Variants in SPTAN1 observed in about 807,000 individuals in gnomAD.
The protein encoded by SPTAN1 is spectrin alpha, non-erythrocytic 1.
A neutral mutation model predicts 331.3 loss-of-function variants in SPTAN1; 61 were observed. The observed-to-expected ratio is 0.18, with a 90% CI of 0.15 to 0.23. The LOEUF (loss-of-function observed/expected upper bound fraction) is 0.23, where lower values mean the gene tolerates loss of function less well. Ranked by LOEUF, SPTAN1 falls within the 10% of genes least tolerant of loss-of-function variation. The pLI is 1.00. For missense variants in SPTAN1, 2,043 were observed against 3,147.9 expected, an observed-to-expected ratio of 0.65 and a Z score of 8.40; for synonymous variants, 1,153 against 1,173.9, an observed-to-expected ratio of 0.98 and a Z score of 0.36.
chr9:128,603,227 G>A (rs1258588169), intron 27 of SPTAN1, among the ~76,000 whole-genome samples: 2 of 151,820 alleles, frequency 1.3e-5, no homozygotes, highest in Non-Finnish European at 2.9e-5. Flanking sequence ...GTATAGACAA[G>A]AAAATGACAC....
chr9:128,593,154 G>A, intron 23 of SPTAN1, 112 bp downstream of exon 23: 2 of 1,207,192 alleles, frequency 1.7e-6, no homozygotes, highest in Non-Finnish European at 2.4e-6. Context: ...GAGGTGGTGG[G>A]AGGAACTGCC....
chr9:128,580,873 G>A (rs1303446866), intron 10 of SPTAN1, 49 bp from the exon 11 acceptor site: 1 of 1,611,060 alleles, frequency 6.2e-7, no homozygotes, highest in Non-Finnish European at 8.5e-7. Context: ...TGCCTCGGAG[G>A]CATTGGGGCT....
chr9:128,632,592 C>G lies in SPTAN1; in HGVS notation c.7034C>G (p.Ser2345Cys), dbSNP rs780897019. The G allele has an allele frequency of 3.7e-6, 6 of 1,614,112 alleles. No individual in the cohort carries two copies. Among genetic ancestry groups the G allele is most frequent in the Non-Finnish European group, 5.1e-6 (6 of 1,180,048 alleles). Residue 2345 changes from serine to cysteine, a missense_variant, in exon 55 of 57, where the codon TCT (serine) becomes TGT (cysteine). Physicochemically the swap from Ser to Cys is moderately radical, Grantham distance 112. This residue lies in a region of SPTAN1 where 58 missense variants were observed against 74.0 expected (regional missense o/e 0.78). Coordinates refer to ENST00000372739, the MANE Select transcript of SPTAN1 (RefSeq NM_001130438.3). ...MMFKHFDKDK[S>C]GRLNHQEFKS... ...TGCAGACACTTTGACAAGGACAAGT[C>G]TGGCAGGCTGAACCATCAGGAGTTC...
At chr9:128,582,640 G>C in intron 13 of SPTAN1, 54 bp from the exon 14 acceptor site, 1 of 1,611,072 alleles carries the variant, frequency 6.2e-7, no homozygotes, top group Non-Finnish European at 8.5e-7. Flanking sequence ...TCTTCAACTG[G>C]ATATCCCTTT....
At chr9:128,621,352 C>G in intron 45 of SPTAN1, 96 bp downstream of exon 45, 1 of 1,069,486 alleles carries the variant, frequency 9.4e-7, no homozygotes, top group Non-Finnish European at 1.4e-6. Flanking sequence ...CTGGGATGTT[C>G]ACCAAACCAA....
chr9:128,567,047 A>G, intron 2 of SPTAN1, 70 bp downstream of exon 2: 1 of 1,604,480 alleles, frequency 6.2e-7, no homozygotes, highest in South Asian at 1.1e-5. Context: ...AAATCAGACG[A>G]GGAAAGTTAC....
At chr9:128,604,995 T>TACTTGGCATTTC (rs1487266018) in intron 29 of SPTAN1, 39 bp from the exon 30 acceptor site, 5 of 1,613,148 alleles carry the variant, frequency 3.1e-6, no homozygotes, top group Middle Eastern at 3.3e-4. Flanking sequence ...AAGGCAGTTG[T>TACTTGGCATTTC]ACTTGGCATT....
chr9:128,574,941 G>T, intron 4 of SPTAN1, 126 bp downstream of exon 4: 15 of 1,381,086 alleles, frequency 1.1e-5, no homozygotes, highest in Non-Finnish European at 1.5e-5. Context: ...GGTGGAAGTG[G>T]GGTTGCTGTC....
rs570170415 is a variant in SPTAN1 at position 128,617,263 on chromosome 9, T to G, written c.5358-377T>G. 2.3e-3 allele frequency among the ~76,000 whole-genome samples: 355 copies of G among 151,948 alleles called. 2 individuals are homozygous for G. The highest frequency in any genetic ancestry group is 0.014 in the South Asian group (69 of 4,822). On this transcript the variant is annotated intron_variant, in intron 41 of 56. Coordinates refer to ENST00000372739, the MANE Select transcript of SPTAN1 (RefSeq NM_001130438.3). ...CAAAAAAAAAAAAAGTGTGTATATATGTATATATATAAATATCTTTGTATA... is the reference window on the plus strand; with the variant it reads ...CAAAAAAAAAAAAAGTGTGTATATAGGTATATATATAAATATCTTTGTATA...
At position 128,613,054 on chromosome 9, in the gene SPTAN1, G is replaced by C. The variant is rs79140166; in HGVS notation, c.5044-327G>C. Among the ~76,000 whole-genome samples the C allele has an allele frequency of 2.8e-3, 428 of 152,198 alleles. 10 individuals are homozygous for C. The East Asian group carries it at 0.041, about 14-fold the overall frequency. On this transcript the variant is annotated intron_variant, in intron 39 of 56. Transcript: ENST00000372739. ...TTTGGTGTATATATTTTGCTGTAGT[G>C]AATATCTTTGAATATTAATCTTTGT...
intron 40 of SPTAN1, among the ~76,000 whole-genome samples, chr9:128,614,903 ACAT>A (rs1856974869): frequency 6.6e-6 from 1 of 152,174 alleles, no homozygotes. Context: ...TGATTTTGCA[ACAT>A]CATGCATGGC....
At chr9:128,614,742 G>A (rs1228056711) in intron 40 of SPTAN1, among the ~76,000 whole-genome samples, 1 of 152,134 alleles carries the variant, frequency 6.6e-6, no homozygotes, top group East Asian at 1.9e-4. Context: ...TCACACCACC[G>A]CACTCTTGGA....
rs1440551738 is a variant in SPTAN1, at chr9:128,594,250, C to T, written c.3291C>T (p.Phe1097=). The T allele has an allele frequency of 1.2e-6, 2 of 1,613,864 alleles. No individual in the cohort carries two copies. Among genetic ancestry groups the T allele is most frequent in the East Asian group, 2.2e-5 (1 of 44,890 alleles). ...AGAGTTGCAAGAAGTTTATGTTGTT[C>T]CGTGAAGCGAATGAACTACAGCAAT... ...LEKSCKKFML[F]REANELQQWI... is the part of the protein sequence containing the mutation. Residue 1097 remains phenylalanine (F), a synonymous_variant, in exon 24 of 57, where the codon TTC becomes TTT. Transcript: ENST00000372739.
chr9:128,607,342 T>C (rs977889257), intron 31 of SPTAN1, among the ~76,000 whole-genome samples: 2 of 152,144 alleles, frequency 1.3e-5, no homozygotes, highest in African/African-American at 4.8e-5. Context: ...AAAGACTTAA[T>C]TGTAGCTAGA....
chr9:128,615,879 G>T (rs1207728107), intron 41 of SPTAN1, 39 bp downstream of exon 41: 1 of 1,604,526 alleles, frequency 6.2e-7, no homozygotes, highest in Non-Finnish European at 8.5e-7. Flanking sequence ...CCTTACGCCT[G>T]TAATAGTGGG....
rs940771798 is a variant in SPTAN1, at chr9:128,629,432, G to C, written c.6708-889G>C. Among the ~76,000 whole-genome samples, 1 of 152,070 alleles carries C rather than the reference G, an allele frequency of 6.6e-6. No individual in the cohort carries two copies. Among genetic ancestry groups the C allele is most frequent in the East Asian group, 1.9e-4 (1 of 5,164 alleles). On this transcript the variant is annotated intron_variant, in intron 51 of 56. Transcript: ENST00000372739. The surrounding 1 kb of genome is among the most constrained non-coding windows in gnomAD (Gnocchi z 4.9). ...AGGAGGAAGCCTGGTGCCTTGCCTTGCTAGAGCACTTTGAACCTGGGGAGA... is the reference window on the plus strand; with the variant it reads ...AGGAGGAAGCCTGGTGCCTTGCCTTCCTAGAGCACTTTGAACCTGGGGAGA...
At chr9:128,614,362 C>T (rs1856891598) in intron 40 of SPTAN1, among the ~76,000 whole-genome samples, 2 of 152,154 alleles carry the variant, frequency 1.3e-5, no homozygotes, top group South Asian at 2.1e-4. Context: ...GAGGCCGAGG[C>T]GGGTGGATCG....
At chr9:128,596,401 C>G (rs1284000871) in intron 24 of SPTAN1, 1 of 152,034 alleles carries the variant, frequency 6.6e-6, no homozygotes, top group Non-Finnish European at 1.5e-5. Flanking sequence ...CTCAGCCTCC[C>G]GAGTAGCTGG....
At chr9:128,584,021 A>C (rs760062256) in intron 16 of SPTAN1, 52 bp downstream of exon 16, 1 of 1,607,606 alleles carries the variant, frequency 6.2e-7, no homozygotes, top group Non-Finnish European at 8.5e-7. Flanking sequence ...AAACTATAGG[A>C]GGGAGGAAAA....
Sources: allele counts gnomAD v4.1 joint callset (sites outside exome capture counted in the v4.1 genomes callset), GRCh38; gene constraint gnomAD v4.1.1; regional missense constraint gnomAD v4.1.1; non-coding constraint Gnocchi (gnomAD v3.1); transcripts MANE v1.5; gene names NCBI Gene and HGNC (gene_info 2026-07-23, HGNC 2026-07-21).